Variants in DDX47 observed in about 807,000 individuals in gnomAD.
DDX47 encodes probable ATP-dependent RNA helicase DDX47.
DDX47 carries 60 observed loss-of-function variants against 58.8 expected under a neutral mutation model. The observed-to-expected ratio is 1.02, with a 90% confidence interval of 0.83 to 1.26. The LOEUF (loss-of-function observed/expected upper bound fraction) is 1.26, where lower values mean the gene tolerates loss of function less well. Ranked by LOEUF, DDX47 falls within the 50% of genes most tolerant of loss-of-function variation. The probability of loss-of-function intolerance (pLI) is 0.00; values close to 1 mark genes in which losing one functional copy is unlikely to be tolerated. For missense variants in DDX47, 530 were observed against 573.2 expected (o/e 0.92, Z 0.77); for synonymous variants, 197 against 204.6 (o/e 0.96, Z 0.32).
At chr12:12,819,782 G>A (rs564138010) in intron 2 of DDX47, among the ~76,000 whole-genome samples, 7 of 152,114 alleles carry the variant, frequency 4.6e-5, no homozygotes, top group East Asian at 1.9e-4. Flanking sequence ...TGAGTGTCCC[G>A]TACTAAAAAT....
At position 12,829,795 on chromosome 12, in the gene DDX47, T is replaced by C. The variant is rs1240231213; in HGVS notation, c.*241T>C. Reference sequence around the variant, plus strand: ...CCTTGCTCATGACATGAGTAGGGTGTGCTCTTCTGTCACTTCACACAGACC... The same window carrying C: ...CCTTGCTCATGACATGAGTAGGGTGCGCTCTTCTGTCACTTCACACAGACC... On this transcript the variant is annotated 3_prime_UTR_variant, in exon 12 of 12. Transcript: ENST00000358007. 5.4e-6 allele frequency: 2 copies of C among 367,760 alleles called. No individual in the cohort carries two copies. Among genetic ancestry groups the C allele is most frequent in the Non-Finnish European group, 9.6e-6 (2 of 207,454 alleles). 22.8% of individuals were successfully genotyped at this position (367,760 alleles called of 1,614,324 possible).
In DDX47 at chr12:12,829,655, T is replaced by A; in HGVS notation, c.*101T>A. ...ATGAGACTGAAATTGGTCAGAATTG[T>A]GTCCAGAATGTGCTCAGCTAATTCA... On this transcript the variant is annotated 3_prime_UTR_variant, in exon 12 of 12. Coordinates refer to ENST00000358007, the MANE Select transcript of DDX47 (RefSeq NM_016355.4). 1 of 1,414,338 alleles carries A rather than the reference T, an allele frequency of 7.1e-7. No individual in the cohort carries two copies. Among genetic ancestry groups the A allele is most frequent in the Non-Finnish European group, 9.5e-7 (1 of 1,051,418 alleles). 87.6% of individuals were successfully genotyped at this position (1,414,338 alleles called of 1,614,324 possible). A position where few individuals can be genotyped will look rare whatever the true frequency, so the allele number is the denominator to read the frequency against.
Position 12,814,020 on chromosome 12 carries a change from C to T in DDX47, c.88-111C>T, listed in dbSNP as rs1862854980. 3 of 764,230 alleles carry T rather than the reference C, an allele frequency of 3.9e-6. No individual in the cohort carries two copies. The Admixed American group carries it at 5.5e-5, about 14-fold the overall frequency. The allele number at this position is 764,230 out of a possible 1,614,324, so 47.3% of individuals were successfully genotyped here. A position where few individuals can be genotyped will look rare whatever the true frequency, so the allele number is the denominator to read the frequency against. On this transcript the variant is annotated intron_variant, in intron 1 of 11. Coordinates refer to ENST00000358007, the MANE Select transcript of DDX47 (RefSeq NM_016355.4). ...TAGGCTCTGAGATGCACAGTAAATA[C>T]CTTTTAAATCAAATACAATGGTTGT...
In DDX47 at chr12:12,827,244, A is replaced by G. The variant is rs200120374; in HGVS notation, c.1107-2A>G. ...CAGAGCTGTGCAGTTTTCCTTCCTC[A>G]GGTATGATGTGGAACTCTTCCAGCG... On this transcript the variant is annotated splice_acceptor_variant, in intron 10 of 11. Coordinates refer to ENST00000358007, the MANE Select transcript of DDX47 (RefSeq NM_016355.4). LOFTEE classifies it high-confidence loss of function. 2.4e-5 allele frequency: 39 copies of G among 1,612,744 alleles called. No homozygotes were observed. Among genetic ancestry groups the G allele is most frequent in the Non-Finnish European group, 2.9e-5 (34 of 1,179,650 alleles).
chr12:12,829,113 G>A (rs547097679), intron 11 of DDX47, among the ~76,000 whole-genome samples: 28 of 152,190 alleles, frequency 1.8e-4, no homozygotes, highest in Non-Finnish European at 3.8e-4. Context: ...CCCAAGAAAA[G>A]CTATAGCAGA....
At position 12,823,320 on chromosome 12, in the gene DDX47, G is replaced by A; in HGVS notation, c.750+1G>A. ...TATTTTTATTCCCTCTAAATTCAAG[G>A]TAAAATGTTTACTTTGATCATTCCT... On this transcript the variant is annotated splice_donor_variant, in intron 7 of 11. Transcript: ENST00000358007. LOFTEE classifies it high-confidence loss of function. The A allele has an allele frequency of 6.6e-7, 1 of 1,516,956 alleles. No homozygotes were observed. Among genetic ancestry groups the A allele is most frequent in the East Asian group, 2.3e-5 (1 of 44,390 alleles). 94.0% of individuals were successfully genotyped at this position (1,516,956 alleles called of 1,614,324 possible).
chr12:12,816,350 A>G (rs1862897738), intron 2 of DDX47, among the ~76,000 whole-genome samples: 1 of 152,224 alleles, frequency 6.6e-6, no homozygotes, highest in Non-Finnish European at 1.5e-5. Flanking sequence ...TGGATCTTAA[A>G]TGGTCTCCCC....
intron 11 of DDX47, among the ~76,000 whole-genome samples, chr12:12,827,976 A>G (rs1056336422): frequency 3.3e-4 from 49 of 148,690 alleles, no homozygotes; most frequent in African/African-American, 1.1e-3. Context: ...CCCGGGTTCA[A>G]GCGATTCTCC....
chr12:12,814,646 A>T (rs1380382541), intron 2 of DDX47: 1 of 156,496 alleles, frequency 6.4e-6, no homozygotes, highest in Non-Finnish European at 1.4e-5. Context: ...ACTGAAACTA[A>T]TGGGATGAAC....
At chr12:12,826,657 C>T (rs760138074) in intron 10 of DDX47, among the ~76,000 whole-genome samples, 11 of 152,146 alleles carry the variant, frequency 7.2e-5, no homozygotes, top group Non-Finnish European at 1.6e-4. Context: ...GTCATGTTGG[C>T]CAGGCTGGTC....
chr12:12,828,078 G>A (rs1025010460), intron 11 of DDX47, among the ~76,000 whole-genome samples: 7 of 151,560 alleles, frequency 4.6e-5, no homozygotes, highest in African/African-American at 7.3e-5. Flanking sequence ...TTGGTCAGGC[G>A]AACTTCTGAC....
chr12:12,822,587 C>T, intron 5 of DDX47, 74 bp from the exon 6 acceptor site: 1 of 1,251,368 alleles, frequency 8.0e-7, no homozygotes. Flanking sequence ...TGTCTACCTC[C>T]TTCACTACCT....
In DDX47 at chr12:12,813,417, T is replaced by C. The variant is rs1592319859; in HGVS notation, c.50T>C (p.Ile17Thr). 1.2e-6 allele frequency: 2 copies of C among 1,613,352 alleles called. No homozygotes were observed. The highest frequency in any genetic ancestry group is 1.7e-6 in the Non-Finnish European group (2 of 1,179,646). ...HDSPTEASQP[I>T]VEEEETKTFK... ...TCTCCGACCGAAGCGTCCCAGCCGA[T>C]TGTGGAAGAGGAGGAAACTAAAACA... The change falls in exon 1 of 12, where the codon ATT (isoleucine) becomes ACT (threonine). Residue 17 changes from isoleucine (I) to threonine (T), a missense_variant. Coordinates refer to ENST00000358007, the MANE Select transcript of DDX47 (RefSeq NM_016355.4).
rs988302655 is a variant in DDX47, at chr12:12,821,909, T to G, written c.443-56T>G. 46 of 1,149,452 alleles carry G rather than the reference T, an allele frequency of 4.0e-5. 1 individual carries two copies. The highest frequency in any genetic ancestry group is 3.8e-4 in the South Asian group (27 of 71,074). 71.2% of individuals were successfully genotyped at this position (1,149,452 alleles called of 1,614,324 possible). A position where few individuals can be genotyped will look rare whatever the true frequency, so the allele number is the denominator to read the frequency against. On this transcript the variant is annotated intron_variant, in intron 4 of 11. Coordinates refer to ENST00000358007, the MANE Select transcript of DDX47 (RefSeq NM_016355.4). ...TAACTTTATTTGTTTATTTGTTTTG[T>G]TTTTTTTTTGTCCTGTTCTGAAATG...
chr12:12,813,479 T>C (rs996360420), intron 1 of DDX47, 25 bp downstream of exon 1: 1 of 1,579,908 alleles, frequency 6.3e-7, no homozygotes, highest in East Asian at 2.3e-5. Context: ...CGCTGGCTTC[T>C]TTTATGTACT....
intron 2 of DDX47, among the ~76,000 whole-genome samples, chr12:12,818,519 T>TAA (rs770903572): frequency 4.2e-5 from 6 of 143,416 alleles, no homozygotes; most frequent in African/African-American, 1.0e-4. Flanking sequence ...AGACTCTGTC[T>TAA]AAAAAAAAAA....
At chr12:12,826,784 G>T (rs1027710472) in intron 10 of DDX47, among the ~76,000 whole-genome samples, 4 of 151,686 alleles carry the variant, frequency 2.6e-5, no homozygotes, top group African/African-American at 4.8e-5. Flanking sequence ...AAGCAGCAAG[G>T]TTTCACTCTG....
rs1862844217 is a variant in DDX47, at chr12:12,813,409, C to G, written c.42C>G (p.Ser14=). The change falls in exon 1 of 12, where the codon TCC becomes TCG. Residue 14 remains serine, a synonymous_variant. Coordinates refer to ENST00000358007, the MANE Select transcript of DDX47 (RefSeq NM_016355.4). ...AACACGATTCTCCGACCGAAGCGTC[C>G]CAGCCGATTGTGGAAGAGGAGGAAA... The part of the protein sequence containing the change: ...PEEHDSPTEA[S]QPIVEEEETK... The G allele has an allele frequency of 1.2e-6, 2 of 1,613,430 alleles. No homozygotes were observed. The highest frequency in any genetic ancestry group is 1.3e-5 in the African/African-American group (1 of 74,898).
chr12:12,829,287 T>G, intron 11 of DDX47, 136 bp from the exon 12 acceptor site: 1 of 837,406 alleles, frequency 1.2e-6, no homozygotes, highest in Non-Finnish European at 1.8e-6. Context: ...ATATTTGGAG[T>G]TGGGTCTTGT....
Sources: gnomAD v4.1 joint callset for allele counts (sites outside exome capture counted in the v4.1 genomes callset) on GRCh38, gnomAD v4.1.1 for gene constraint, MANE v1.5 for transcripts, NCBI Gene and HGNC (gene_info 2026-07-23, HGNC 2026-07-21) for gene names.